AGBL4: variants seen among roughly 807,000 people sequenced by gnomAD.
AGBL4 encodes AGBL carboxypeptidase 4, also known as cytosolic carboxypeptidase 6.
Under a neutral mutation model 66.4 loss-of-function variants are expected in AGBL4, and 58 were observed. The observed-to-expected ratio is 0.87, with a 90% CI of 0.71 to 1.09. The LOEUF (loss-of-function observed/expected upper bound fraction) is 1.09. Ranked by LOEUF, AGBL4 falls within the 50% of genes least tolerant of loss-of-function variation. The pLI is 0.00. For synonymous variants in AGBL4, 234 were observed against 222.9 expected (o/e 1.05, Z -0.44); for missense variants, 579 against 631.0 (o/e 0.92, Z 0.88).
intron 2 of AGBL4, among the ~76,000 whole-genome samples, chr1:49,700,940 A>G (rs577077098): frequency 6.6e-6 from 1 of 152,216 alleles, no homozygotes; most frequent in Non-Finnish European, 1.5e-5. Flanking sequence ...TGTTAAAAAA[A>G]ATTATCTGAA....
chr1:49,255,882 C>T (rs545393760), intron 3 of AGBL4, among the ~76,000 whole-genome samples: 6 of 152,076 alleles, frequency 3.9e-5, no homozygotes, highest in Admixed American at 1.3e-4. Flanking sequence ...GAGCTGGAGA[C>T]CATTTTCCTT....
At chr1:49,944,493 C>A (rs1466340165) in intron 1 of AGBL4, among the ~76,000 whole-genome samples, 3 of 152,090 alleles carry the variant, frequency 2.0e-5, no homozygotes, top group Non-Finnish European at 4.4e-5. Flanking sequence ...CAGGAAACCA[C>A]ATCCCTAGAA....
chr1:49,003,536 A>C (rs1450590716), intron 5 of AGBL4, among the ~76,000 whole-genome samples: 1 of 152,230 alleles, frequency 6.6e-6, no homozygotes. Flanking sequence ...GCATGGTACT[A>C]GGAGCTTTTA....
chr1:48,616,341 T>C (rs565720500), intron 9 of AGBL4, among the ~76,000 whole-genome samples: 161 of 152,148 alleles, frequency 1.1e-3, no homozygotes, highest in Non-Finnish European at 2.0e-3. Flanking sequence ...TCAGAGCTCG[T>C]ATAACCTCTC....
chr1:49,986,536 T>C (rs1017600276), intron 1 of AGBL4, among the ~76,000 whole-genome samples: 5 of 152,080 alleles, frequency 3.3e-5, no homozygotes, highest in African/African-American at 1.2e-4. Flanking sequence ...TACCTAGCAG[T>C]AGGTCATAGA....
intron 6 of AGBL4, among the ~76,000 whole-genome samples, chr1:48,729,878 T>G (rs1647823696): frequency 6.6e-6 from 1 of 152,156 alleles, no homozygotes; most frequent in African/African-American, 2.4e-5. Context: ...CATCTTGTCT[T>G]GGCCTTTCCA....
intron 4 of AGBL4, among the ~76,000 whole-genome samples, chr1:49,111,800 C>T (rs2148022205): frequency 6.6e-6 from 1 of 152,288 alleles, no homozygotes; most frequent in Middle Eastern, 3.4e-3. Context: ...GTCCCCAGCA[C>T]AAAGTCTGTG....
chr1:49,403,256 CT>C (rs1645126147), intron 3 of AGBL4, among the ~76,000 whole-genome samples: 1 of 152,058 alleles, frequency 6.6e-6, no homozygotes, highest in South Asian at 2.1e-4. Context: ...TGCCTCTTAT[CT>C]TTTTCTCTTG....
intron 2 of AGBL4, among the ~76,000 whole-genome samples, chr1:49,715,348 CT>C (rs1246886255): frequency 6.6e-5 from 10 of 152,094 alleles, no homozygotes; most frequent in Non-Finnish European, 1.3e-4. Flanking sequence ...GCCACATTTT[CT>C]TTATCCAGTC....
chr1:49,731,331 C>T (rs1192541630), intron 2 of AGBL4, among the ~76,000 whole-genome samples: 2 of 152,170 alleles, frequency 1.3e-5, no homozygotes, highest in South Asian at 2.1e-4. Context: ...CCCCCTCATG[C>T]CCTTGTGAAC....
chr1:49,144,222 T>A (rs909596824), intron 4 of AGBL4, among the ~76,000 whole-genome samples: 2 of 152,182 alleles, frequency 1.3e-5, no homozygotes, highest in South Asian at 4.1e-4. Flanking sequence ...TGCTGGCTGA[T>A]GATGGCTATC....
In AGBL4 at chr1:48,951,746, C is replaced by T. The variant is rs186334159; in HGVS notation, c.595-84516G>A. On this transcript the variant is annotated intron_variant, in intron 5 of 13. Transcript: ENST00000371839. Reference sequence around the variant, plus strand: ...ATAAATTTATGTTATTCATAACTCACCCACCCTATGGTATTTTATGATAGC... The same window carrying T: ...ATAAATTTATGTTATTCATAACTCATCCACCCTATGGTATTTTATGATAGC... Among the ~76,000 whole-genome samples the T allele has an allele frequency of 1.3e-4, 20 of 152,258 alleles. No homozygotes were observed. In the Middle Eastern group the frequency reaches 0.014, roughly 104 times the overall value.
intron 3 of AGBL4, among the ~76,000 whole-genome samples, chr1:49,675,730 T>C (rs1157745426): frequency 2.6e-5 from 4 of 152,034 alleles, no homozygotes; most frequent in African/African-American, 9.7e-5. Context: ...TGTATCTGTA[T>C]CTACTAAGGG....
intron 3 of AGBL4, among the ~76,000 whole-genome samples, chr1:49,384,156 C>T (rs1008288745): frequency 2.7e-4 from 41 of 151,950 alleles, no homozygotes; most frequent in Admixed American, 2.6e-3. Context: ...GTAAAAAAGG[C>T]AACCAATGGA....
At chr1:49,748,292 G>A (rs558284072) in intron 2 of AGBL4, among the ~76,000 whole-genome samples, 1 of 152,216 alleles carries the variant, frequency 6.6e-6, no homozygotes, top group South Asian at 2.1e-4. Context: ...TTAGTTTGCT[G>A]AGAATAATGG....
intron 5 of AGBL4, among the ~76,000 whole-genome samples, chr1:49,008,943 C>T (rs1662117598): frequency 1.3e-5 from 2 of 151,092 alleles, no homozygotes; most frequent in African/African-American, 2.4e-5. Context: ...CCAAAATTGA[C>T]ACCCTAAGAT....
At chr1:48,932,943 G>C (rs948436811) in intron 5 of AGBL4, among the ~76,000 whole-genome samples, 3 of 152,008 alleles carry the variant, frequency 2.0e-5, no homozygotes, top group Non-Finnish European at 2.9e-5. Flanking sequence ...TTGGGAAACA[G>C]TATTTGGTAA....
At chr1:49,624,027 G>A (rs1645419446) in intron 3 of AGBL4, among the ~76,000 whole-genome samples, 1 of 151,460 alleles carries the variant, frequency 6.6e-6, no homozygotes, top group Non-Finnish European at 1.5e-5. Flanking sequence ...GTGTGTGTGT[G>A]TGTGTACACA....
intron 2 of AGBL4, among the ~76,000 whole-genome samples, chr1:49,720,477 C>G (rs1433832438): frequency 1.3e-5 from 2 of 152,094 alleles, no homozygotes; most frequent in African/African-American, 4.8e-5. Context: ...GTTCATTGAG[C>G]ACTTGCTACA....
Sources: allele counts gnomAD v4.1 joint callset (sites outside exome capture counted in the v4.1 genomes callset), GRCh38; gene constraint gnomAD v4.1.1; transcripts MANE v1.5; gene names NCBI Gene and HGNC (gene_info 2026-07-23, HGNC 2026-07-21).